The following MROH1 variants were observed in gnomAD, a reference collection of about 807,000 sequenced individuals.
MROH1 encodes maestro heat-like repeat-containing protein family member 1.
MROH1 carries 117 observed loss-of-function variants against 116.5 expected under a neutral mutation model. That is an observed-to-expected ratio of 1.00 (90% CI 0.86 to 1.17). The LOEUF is 1.17. Among genes scored for constraint, MROH1 ranks in the 50% most tolerant of loss-of-function variants. MROH1 has a pLI of 0.00. For synonymous variants in MROH1, 921 were observed against 583.9 expected (o/e 1.58, Z -8.32); for missense variants, 1,873 against 1,338.5 (o/e 1.40, Z -6.23).
rs1298913650 is a variant in MROH1, at chr8:144,247,356, G to A, written c.2927G>A (p.Cys976Tyr). 5.2e-6 allele frequency: 4 copies of A among 772,282 alleles called. No homozygotes were observed. The highest frequency in any genetic ancestry group is 1.7e-5 in the African/African-American group (1 of 58,866). The allele number at this position is 772,282 out of a possible 1,614,324, so 47.8% of individuals were successfully genotyped here. A position where few individuals can be genotyped will look rare whatever the true frequency, so the allele number is the denominator to read the frequency against. The change falls in exon 30 of 44, where the codon TGT (cysteine) becomes TAT (tyrosine). Residue 976 changes from cysteine (C) to tyrosine (Y), a missense_variant. Transcript: ENST00000326134. ...GLLIGLFSPR[C>Y]ADLWPATRQE... ...CTCATCGGCCTCTTCTCCCCACGGT[G>A]TGCGGACCTGTGGCCTGCCACCCGC...
At chr8:144,253,755 C>G (rs1375792360) in intron 33 of MROH1, among the ~76,000 whole-genome samples, 1 of 152,010 alleles carries the variant, frequency 6.6e-6, no homozygotes, top group Non-Finnish European at 1.5e-5. Context: ...ATTTGGCCAT[C>G]CCTTGTGACT....
chr8:144,178,532 G>A (rs1824697744), intron 4 of MROH1, among the ~76,000 whole-genome samples: 1 of 152,198 alleles, frequency 6.6e-6, no homozygotes, highest in South Asian at 2.1e-4. Flanking sequence ...GCCTCCCTAA[G>A]TGTTGAGATT....
chr8:144,200,731 T>A, intron 12 of MROH1, 190 bp downstream of exon 12: 1 of 579,776 alleles, frequency 1.7e-6, no homozygotes, highest in South Asian at 1.9e-5. Flanking sequence ...TTTCTACCCT[T>A]CGCCATATGA....
intron 1 of MROH1, among the ~76,000 whole-genome samples, chr8:144,151,814 A>G (rs937093745): frequency 1.6e-4 from 25 of 152,222 alleles, no homozygotes; most frequent in African/African-American, 5.8e-4. Context: ...GCAGCGGGGC[A>G]CTGAAGAAGC....
intron 10 of MROH1, among the ~76,000 whole-genome samples, chr8:144,196,260 A>G (rs1829869532): frequency 6.7e-6 from 1 of 149,872 alleles, no homozygotes; most frequent in African/African-American, 2.4e-5. Flanking sequence ...ACCTCATTCC[A>G]GCCCGGGTGA....
chr8:144,245,785 G>A (rs1000942006), intron 29 of MROH1, among the ~76,000 whole-genome samples: 1 of 151,804 alleles, frequency 6.6e-6, no homozygotes, highest in African/African-American at 2.4e-5. Flanking sequence ...TTGGCCTCCC[G>A]AGTAGCTGAG....
chr8:144,234,428 GTTAGAT>G (rs1179557791), intron 14 of MROH1, among the ~76,000 whole-genome samples: 4 of 138,556 alleles, frequency 2.9e-5, no homozygotes, highest in African/African-American at 8.1e-5. Context: ...CACGTTTTTC[GTTAGAT>G]TTATTCATAA....
Position 144,191,799 on chromosome 8 carries a change from C to A in MROH1, c.799C>A (p.Leu267Ile). 6.2e-7 allele frequency: 1 copy of A among 1,613,572 alleles called. No homozygotes were observed. Among genetic ancestry groups the A allele is most frequent in the Non-Finnish European group, 8.5e-7 (1 of 1,179,862 alleles). Residue 267 changes from leucine to isoleucine, a missense_variant, in exon 9 of 44, where the codon CTC becomes ATC. Leu to Ile is a conservative substitution (Grantham distance 5, BLOSUM62 2). Transcript: ENST00000326134. ...GCTGGAAGAGCAGCTGCCCAAGCTC[C>A]TCCCTGGGATTCTCGCCCTCTACAA... is the stretch of plus-strand genomic sequence containing the variant. The part of the protein sequence containing the change: ...ERLEEQLPKL[L>I]PGILALYKKH...
At chr8:144,242,136 C>T (rs1372101704) in intron 22 of MROH1, 6 of 614,728 alleles carry the variant, frequency 9.8e-6, no homozygotes, top group African/African-American at 3.7e-5. Flanking sequence ...CTCTGTTACT[C>T]GGTACCCAGT....
At chr8:144,183,797 A>G (rs954987853) in intron 7 of MROH1, among the ~76,000 whole-genome samples, 17 of 151,740 alleles carry the variant, frequency 1.1e-4, no homozygotes, top group African/African-American at 3.9e-4. Flanking sequence ...ACAGGCGCCC[A>G]CCACCACGCC....
rs553414017 is a variant in MROH1, at chr8:144,175,920, G to A, written c.169-3535G>A. ...AAAAATTATCCAGGCGTGGTGGCAC[G>A]CGCCTGTAGTTCCAGCTGCTCAGGA... On this transcript the variant is annotated intron_variant, in intron 4 of 43. Transcript: ENST00000326134. Among the ~76,000 whole-genome samples the A allele has an allele frequency of 4.6e-5, 7 of 152,268 alleles. No homozygotes were observed. The South Asian group carries it at 1.2e-3, about 27-fold the overall frequency.
intron 24 of MROH1, 45 bp downstream of exon 24, chr8:144,242,673 C>T (rs1312836012): frequency 1.0e-5 from 8 of 769,024 alleles, no homozygotes; most frequent in East Asian, 4.9e-5. Context: ...TCTCTCCTCT[C>T]GGCTCTCCTC....
intron 12 of MROH1, among the ~76,000 whole-genome samples, chr8:144,209,988 A>G (rs927932050): frequency 1.1e-4 from 16 of 151,568 alleles, no homozygotes; most frequent in African/African-American, 3.9e-4. Flanking sequence ...TAAGACAACA[A>G]CATCAGATCT....
At chr8:144,259,510 C>G (rs1309274674) in intron 37 of MROH1, among the ~76,000 whole-genome samples, 156 bp downstream of exon 37, 9 of 152,132 alleles carry the variant, frequency 5.9e-5, no homozygotes, top group Admixed American at 5.9e-4. Context: ...CATGCCAGAA[C>G]TCACTCAGTC....
chr8:144,261,693 C>A lies in MROH1; in HGVS notation c.4879C>A (p.Arg1627=), dbSNP rs1368458647. The A allele has an allele frequency of 2.7e-6, 2 of 727,698 alleles. No individual in the cohort carries two copies. Among genetic ancestry groups the A allele is most frequent in the Non-Finnish European group, 5.0e-6 (2 of 400,044 alleles). The allele number at this position is 727,698 out of a possible 1,614,324, so 45.1% of individuals were successfully genotyped here. ...GCTGAAGGACCCGGCCCCCGAGGTG[C>A]GGACGAGGGCTGCTGAGGCCCTGGG... is the stretch of plus-strand genomic sequence containing the variant. ...ILLKDPAPEV[R]TRAAEALGRL... The change falls in exon 44 of 44, where the codon CGG becomes AGG. Residue 1627 remains arginine (R), a synonymous_variant. Coordinates refer to ENST00000326134, the MANE Select transcript of MROH1 (RefSeq NM_032450.3).
Position 144,180,601 on chromosome 8 carries a change from G to A in MROH1, c.562+78G>A. 7.3e-7 allele frequency: 1 copy of A among 1,376,620 alleles called. No individual in the cohort carries two copies. The highest frequency in any genetic ancestry group is 1.0e-6 in the Non-Finnish European group (1 of 999,058). 85.3% of individuals were successfully genotyped at this position (1,376,620 alleles called of 1,614,324 possible). ...GTTCCCGGGCATGCCTGTTTTAGGGGGGACAGGTGGGCACTTTAGGCTGCA... is the reference window on the plus strand; with the variant it reads ...GTTCCCGGGCATGCCTGTTTTAGGGAGGACAGGTGGGCACTTTAGGCTGCA... On this transcript the variant is annotated intron_variant, in intron 7 of 43. Transcript: ENST00000326134. The surrounding 1 kb of genome is among the most constrained non-coding windows in gnomAD (Gnocchi z 7.4).
At chr8:144,194,591 C>T (rs1258259836) in intron 10 of MROH1, among the ~76,000 whole-genome samples, 1 of 152,132 alleles carries the variant, frequency 6.6e-6, no homozygotes, top group Non-Finnish European at 1.5e-5. Context: ...ATCACCTGTC[C>T]ACCTTTCTGG....
rs1030672214 is a variant in MROH1, at chr8:144,254,598, G to C, written c.3429-215G>C. 1.3e-4 allele frequency: 76 copies of C among 571,838 alleles called. No individual in the cohort carries two copies. In the Middle Eastern group the frequency reaches 1.4e-3, roughly 10 times the overall value. 35.4% of individuals were successfully genotyped at this position (571,838 alleles called of 1,614,324 possible). A position where few individuals can be genotyped will look rare whatever the true frequency, so the allele number is the denominator to read the frequency against. On this transcript the variant is annotated intron_variant, in intron 33 of 43. Coordinates refer to ENST00000326134, the MANE Select transcript of MROH1 (RefSeq NM_032450.3). ...TGTGTATAGGCCCAGATTTTTCTCT[G>C]TGTCCTTTATTACCAGCTCTGTTTA...
intron 4 of MROH1, among the ~76,000 whole-genome samples, chr8:144,171,345 CG>C (rs1488681629): frequency 6.6e-6 from 1 of 152,172 alleles, no homozygotes; most frequent in Non-Finnish European, 1.5e-5. Context: ...ACGAAGGGTG[CG>C]GGTGCCCAGC....
Sources: gnomAD v4.1 joint callset for allele counts (sites outside exome capture counted in the v4.1 genomes callset) on GRCh38, gnomAD v4.1.1 for gene constraint, Gnocchi (gnomAD v3.1) non-coding constraint, MANE v1.5 for transcripts, NCBI Gene and HGNC (gene_info 2026-07-23, HGNC 2026-07-21) for gene names.